Variants in DYM observed in about 807,000 individuals in gnomAD.
DYM encodes dymeclin.
DYM carries 78 observed loss-of-function variants against 93.1 expected under a neutral mutation model. The ratio of observed to expected loss-of-function variants is 0.84; its 90% CI spans 0.70 to 1.01. The LOEUF is 1.01. DYM is among the 50% of genes least tolerant of loss of function. The pLI is 0.00. For synonymous variants in DYM, 321 were observed against 319.7 expected, an observed-to-expected ratio of 1.00 and a Z score of -0.04; for missense variants, 789 against 845.0, an observed-to-expected ratio of 0.93 and a Z score of 0.82.
intron 13 of DYM, among the ~76,000 whole-genome samples, chr18:49,214,188 G>C (rs569325906): frequency 1.8e-4 from 27 of 152,132 alleles, no homozygotes; most frequent in Non-Finnish European, 3.5e-4. Context: ...TTAGGAACTG[G>C]GCTACATAGC....
intron 10 of DYM, among the ~76,000 whole-genome samples, chr18:49,281,330 T>C (rs1297017725): frequency 6.6e-6 from 1 of 152,086 alleles, no homozygotes; most frequent in Non-Finnish European, 1.5e-5. Context: ...TGTGGAGAAA[T>C]AGGAACACTT....
At chr18:49,075,391 C>T (rs2077220714) in intron 17 of DYM, among the ~76,000 whole-genome samples, 1 of 152,152 alleles carries the variant, frequency 6.6e-6, no homozygotes, top group African/African-American at 2.4e-5. Context: ...GGATACTCCC[C>T]TACTCCCATC....
At chr18:49,071,496 T>C (rs1419402297) in intron 17 of DYM, among the ~76,000 whole-genome samples, 1 of 152,224 alleles carries the variant, frequency 6.6e-6, no homozygotes, top group South Asian at 2.1e-4. Flanking sequence ...GAGAAGACGA[T>C]TCATTCATTT....
At chr18:49,299,596 T>C (rs1169642017) in intron 8 of DYM, among the ~76,000 whole-genome samples, 1 of 152,158 alleles carries the variant, frequency 6.6e-6, no homozygotes, top group Non-Finnish European at 1.5e-5. Context: ...AAACTGTGGG[T>C]TCCCTGAGAG....
At chr18:49,212,947 T>C (rs2092854155) in intron 13 of DYM, among the ~76,000 whole-genome samples, 1 of 152,110 alleles carries the variant, frequency 6.6e-6, no homozygotes, top group Admixed American at 6.6e-5. Flanking sequence ...AAAAACAAGA[T>C]CATGGGAAGG....
chr18:49,254,669 T>C (rs552638611), intron 13 of DYM, among the ~76,000 whole-genome samples: 1 of 152,362 alleles, frequency 6.6e-6, no homozygotes, highest in Admixed American at 6.5e-5. Flanking sequence ...AAACATTTAA[T>C]CGTGCTAAAT....
intron 8 of DYM, among the ~76,000 whole-genome samples, chr18:49,325,822 T>C (rs2062838566): frequency 6.6e-6 from 1 of 152,170 alleles, no homozygotes; most frequent in Non-Finnish European, 1.5e-5. Context: ...GTCAGATTTA[T>C]CCTGAAAACT....
At chr18:49,366,955 G>T (rs1233883864) in intron 5 of DYM, among the ~76,000 whole-genome samples, 2 of 151,886 alleles carry the variant, frequency 1.3e-5, no homozygotes, top group South Asian at 4.2e-4. Flanking sequence ...TACTCTCAAG[G>T]AAAAAAATTA....
intron 6 of DYM, among the ~76,000 whole-genome samples, chr18:49,355,511 T>C (rs565252838): frequency 6.6e-6 from 1 of 151,800 alleles, no homozygotes; most frequent in Non-Finnish European, 1.5e-5. Context: ...CATTTCATCA[T>C]GCATTTGTCT....
chr18:49,253,202 TA>T, intron 13 of DYM, among the ~76,000 whole-genome samples: 1 of 152,362 alleles, frequency 6.6e-6, no homozygotes, highest in South Asian at 2.1e-4. Flanking sequence ...TAAAATTGTG[TA>T]GTCTCTTTCT....
intron 11 of DYM, among the ~76,000 whole-genome samples, chr18:49,263,410 C>T (rs903051058): frequency 2.7e-5 from 4 of 150,772 alleles, no homozygotes; most frequent in African/African-American, 4.9e-5. Context: ...TGAGCCACCA[C>T]GCCTGGCTTG....
chr18:49,189,697 ATTATTACT>A (rs1290372021), intron 14 of DYM, among the ~76,000 whole-genome samples: 6 of 152,202 alleles, frequency 3.9e-5, no homozygotes, highest in Admixed American at 3.9e-4. Context: ...AGAACCACAA[ATTATTACT>A]GTATATAGAG....
intron 17 of DYM, among the ~76,000 whole-genome samples, chr18:49,081,799 C>T (rs1476714688): frequency 6.6e-6 from 1 of 152,194 alleles, no homozygotes; most frequent in Non-Finnish European, 1.5e-5. Context: ...GGTTTTCAGG[C>T]CAGAAAGGCT....
intron 2 of DYM, among the ~76,000 whole-genome samples, chr18:49,411,245 A>G (rs940357101): frequency 1.3e-5 from 2 of 152,224 alleles, no homozygotes; most frequent in African/African-American, 4.8e-5. Context: ...TCCAGCAACT[A>G]GTTGGAATTT....
At chr18:49,046,482 GAC>G (rs919728521) in intron 17 of DYM, among the ~76,000 whole-genome samples, 1 of 146,512 alleles carries the variant, frequency 6.8e-6, no homozygotes, top group Admixed American at 6.8e-5. Context: ...CACACACACA[GAC>G]ACACACACAG....
Position 49,389,335 on chromosome 18 carries a change from G to T in DYM, c.193+2258C>A, listed in dbSNP as rs765311186. On this transcript the variant is annotated intron_variant, in intron 3 of 17. Coordinates refer to ENST00000675505, the MANE Select transcript of DYM (RefSeq NM_001353214.3). ...GTGTCTGTGTGTGTGTGTGTGTGGT[G>T]GATGATATATATATAAATTTATATC... Among the ~76,000 whole-genome samples, 127 of 151,920 alleles carry T rather than the reference G, an allele frequency of 8.4e-4. 1 individual carries two copies. The highest frequency in any genetic ancestry group is 8.3e-4 in the South Asian group (4 of 4,816).
intron 3 of DYM, among the ~76,000 whole-genome samples, chr18:49,379,959 T>C (rs912597975): frequency 2.6e-5 from 4 of 152,102 alleles, no homozygotes; most frequent in African/African-American, 9.7e-5. Flanking sequence ...AAAAACTGAT[T>C]TGCAAAATGA....
intron 8 of DYM, among the ~76,000 whole-genome samples, chr18:49,326,959 C>T (rs1272433639): frequency 2.2e-5 from 3 of 136,842 alleles, no homozygotes; most frequent in Non-Finnish European, 4.6e-5. Flanking sequence ...TATTACGATG[C>T]ATGTAACTTA....
chr18:49,199,700 T>C (rs1429566638), intron 14 of DYM, among the ~76,000 whole-genome samples: 2 of 152,248 alleles, frequency 1.3e-5, no homozygotes, highest in Non-Finnish European at 2.9e-5. Context: ...CAAGTATTTA[T>C]TCATTACAGA....
Sources: gnomAD v4.1 joint callset for allele counts (sites outside exome capture counted in the v4.1 genomes callset) on GRCh38, gnomAD v4.1.1 for gene constraint, MANE v1.5 for transcripts, NCBI Gene and HGNC (gene_info 2026-07-23, HGNC 2026-07-21) for gene names.